RALGAPA1: variants seen among roughly 807,000 people sequenced by gnomAD.
RALGAPA1 encodes ral GTPase-activating protein subunit alpha-1.
A neutral mutation model predicts 269.6 loss-of-function variants in RALGAPA1; 52 were observed. The ratio of observed to expected loss-of-function variants is 0.19; its 90% CI spans 0.15 to 0.24. The LOEUF is 0.24. Ranked by LOEUF, RALGAPA1 falls within the 10% of genes least tolerant of loss-of-function variation. The pLI, the probability that RALGAPA1 is intolerant of heterozygous loss-of-function variation, is 1.00. For missense variants in RALGAPA1, 1,917 were observed against 3,013.9 expected (o/e 0.64, Z 8.52); for synonymous variants, 817 against 1,008.3 (o/e 0.81, Z 3.60).
intron 11 of RALGAPA1, among the ~76,000 whole-genome samples, chr14:35,740,854 T>C (rs2071484452): frequency 6.6e-6 from 1 of 152,172 alleles, no homozygotes; most frequent in Non-Finnish European, 1.5e-5. Context: ...TTTACAATTA[T>C]CTGAATTTAT....
At chr14:35,657,986 T>G (rs1189310153) in intron 28 of RALGAPA1, among the ~76,000 whole-genome samples, 2 of 152,138 alleles carry the variant, frequency 1.3e-5, no homozygotes, top group African/African-American at 4.8e-5. Context: ...CAAAGGGCTT[T>G]AAAAATGTTA....
At chr14:35,668,168 GA>G (rs1181994321) in intron 26 of RALGAPA1, among the ~76,000 whole-genome samples, 2 of 151,986 alleles carry the variant, frequency 1.3e-5, no homozygotes, top group African/African-American at 2.4e-5. Flanking sequence ...AAAGAAGGGG[GA>G]AAAAAATAAT....
chr14:35,777,072 T>C (rs1435947127), intron 1 of RALGAPA1, among the ~76,000 whole-genome samples: 1 of 152,134 alleles, frequency 6.6e-6, no homozygotes, highest in Non-Finnish European at 1.5e-5. Context: ...CCACAAATAT[T>C]AGCTACATAT....
At chr14:35,772,996 T>C (rs1034535933) in intron 3 of RALGAPA1, among the ~76,000 whole-genome samples, 2 of 152,192 alleles carry the variant, frequency 1.3e-5, no homozygotes, top group Admixed American at 1.3e-4. Context: ...TCTTTTACCT[T>C]TGTCCTCCCT....
intron 11 of RALGAPA1, among the ~76,000 whole-genome samples, chr14:35,741,125 ATTGT>A (rs747164129): frequency 1.3e-5 from 2 of 151,906 alleles, no homozygotes; most frequent in Non-Finnish European, 2.9e-5. Context: ...CATTCCTTCC[ATTGT>A]TTGTTTTTCA....
chr14:35,551,828 T>G (rs1192348268), intron 39 of RALGAPA1, among the ~76,000 whole-genome samples: 4 of 152,070 alleles, frequency 2.6e-5, no homozygotes, highest in Non-Finnish European at 4.4e-5. Context: ...TCATTTTGTA[T>G]AAAAAATATA....
intron 29 of RALGAPA1, 23 bp downstream of exon 29, chr14:35,655,784 T>C (rs1345852954): frequency 1.2e-6 from 2 of 1,606,652 alleles, no homozygotes; most frequent in African/African-American, 1.3e-5. Context: ...TCTTAATATA[T>C]TTCACTAAAC....
intron 17 of RALGAPA1, among the ~76,000 whole-genome samples, chr14:35,695,990 AT>A (rs2066865890): frequency 6.6e-6 from 1 of 152,336 alleles, no homozygotes; most frequent in East Asian, 1.9e-4. Context: ...AACATATTGT[AT>A]CAAATTTGAT....
At chr14:35,694,957 G>C (rs1045936094) in intron 17 of RALGAPA1, among the ~76,000 whole-genome samples, 4 of 152,094 alleles carry the variant, frequency 2.6e-5, no homozygotes, top group Non-Finnish European at 5.9e-5. Flanking sequence ...GCGGACTTCT[G>C]TAGTCCCAGC....
At chr14:35,781,081 T>C (rs765376836) in intron 1 of RALGAPA1, among the ~76,000 whole-genome samples, 2 of 152,164 alleles carry the variant, frequency 1.3e-5, no homozygotes, top group African/African-American at 4.8e-5. Context: ...AATTGGTTCT[T>C]TGAAACACTC....
intron 29 of RALGAPA1, among the ~76,000 whole-genome samples, 156 bp from the exon 30 acceptor site, chr14:35,654,633 A>G (rs2063057456): frequency 6.6e-6 from 1 of 152,238 alleles, no homozygotes; most frequent in African/African-American, 2.4e-5. Flanking sequence ...AATAAAAAAA[A>G]TCACAACACA....
At chr14:35,683,169 A>G (rs757308689) in intron 21 of RALGAPA1, among the ~76,000 whole-genome samples, 5 of 152,242 alleles carry the variant, frequency 3.3e-5, no homozygotes, top group Non-Finnish European at 7.3e-5. Context: ...ACTATGGTCT[A>G]CTAGCTGCTC....
chr14:35,647,621 T>C (rs1278430693), intron 31 of RALGAPA1, among the ~76,000 whole-genome samples: 2 of 152,210 alleles, frequency 1.3e-5, no homozygotes, highest in South Asian at 2.1e-4. Context: ...TTAGGTAATA[T>C]TCTGATGTTC....
chr14:35,570,703 A>T lies in RALGAPA1; in HGVS notation c.7410T>A (p.Asn2470Lys), dbSNP rs141420858. ...FGPLFDGAIVNGKVLPIMVRA... is the reference protein window; with the variant it reads ...FGPLFDGAIVKGKVLPIMVRA... ...TAACCATAATGGGTAGAACCTTTCCATTCACAATAGCACCATCAAAAAGGG... is the reference window on the plus strand; with the variant it reads ...TAACCATAATGGGTAGAACCTTTCCTTTCACAATAGCACCATCAAAAAGGG... The change falls in exon 39 of 42, where the codon AAT becomes AAA. Residue 2470 changes from asparagine (N) to lysine (K), a missense_variant. Physicochemically the swap from Asn to Lys is moderately conservative, Grantham distance 94 (BLOSUM62 0). Coordinates refer to ENST00000680220, the MANE Select transcript of RALGAPA1 (RefSeq NM_001346249.2). The T allele has an allele frequency of 3.0e-5, 48 of 1,611,452 alleles. No individual in the cohort carries two copies. In the African/African-American group the frequency reaches 5.2e-4, roughly 18 times the overall value.
chr14:35,713,771 T>A (rs951062013), intron 16 of RALGAPA1, among the ~76,000 whole-genome samples: 1 of 152,158 alleles, frequency 6.6e-6, no homozygotes, highest in Admixed American at 6.5e-5. Flanking sequence ...CACTTTAGAC[T>A]AAAAATGATT....
chr14:35,599,275 G>T (rs1160592743), intron 36 of RALGAPA1, among the ~76,000 whole-genome samples: 1 of 152,100 alleles, frequency 6.6e-6, no homozygotes, highest in Non-Finnish European at 1.5e-5. Context: ...TCTTGCCATG[G>T]TCTGCCTTCC....
At chr14:35,637,659 G>T (rs1412789464) in intron 31 of RALGAPA1, among the ~76,000 whole-genome samples, 1 of 152,116 alleles carries the variant, frequency 6.6e-6, no homozygotes, top group Non-Finnish European at 1.5e-5. Context: ...TATTAAGAAG[G>T]ATAAAAACAT....
intron 17 of RALGAPA1, among the ~76,000 whole-genome samples, chr14:35,697,599 G>A (rs1298696015): frequency 6.6e-6 from 1 of 151,844 alleles, no homozygotes; most frequent in Non-Finnish European, 1.5e-5. Flanking sequence ...GCCTGCCTCA[G>A]CCTCCCAAAG....
intron 16 of RALGAPA1, among the ~76,000 whole-genome samples, chr14:35,704,737 G>T (rs1016218028): frequency 1.1e-4 from 17 of 151,974 alleles, no homozygotes; most frequent in Non-Finnish European, 2.4e-4. Flanking sequence ...GTTAAATATT[G>T]TATCACTCTA....
Sources: allele counts gnomAD v4.1 joint callset (sites outside exome capture counted in the v4.1 genomes callset), GRCh38; gene constraint gnomAD v4.1.1; transcripts MANE v1.5; gene names NCBI Gene and HGNC (gene_info 2026-07-23, HGNC 2026-07-21).